Variants in MINDY4 observed in about 807,000 individuals in gnomAD.
MINDY4 encodes probable ubiquitin carboxyl-terminal hydrolase MINDY-4.
MINDY4 carries 68 observed loss-of-function variants against 87.0 expected under a neutral mutation model. The ratio of observed to expected loss-of-function variants is 0.78; its 90% CI spans 0.64 to 0.96. MINDY4 has a LOEUF of 0.96. Ranked by LOEUF, MINDY4 falls within the 40% of genes least tolerant of loss-of-function variation. The pLI, the probability that MINDY4 is intolerant of heterozygous loss-of-function variation, is 0.00. For missense variants in MINDY4, 919 were observed against 928.2 expected (o/e 0.99, Z 0.13); for synonymous variants, 379 against 363.2 (o/e 1.04, Z -0.50).
At position 30,832,666 on chromosome 7, in the gene MINDY4, C is replaced by T. The variant is rs544335382; in HGVS notation, c.1132+3929C>T. The stretch of plus-strand genomic sequence containing the variant: ...CTGGGATTACAGGCCCGTGCCACCA[C>T]ACCTGGCTAATTTTTGTATTTTTAG... On this transcript the variant is annotated intron_variant, in intron 6 of 17. Transcript: ENST00000265299. Among the ~76,000 whole-genome samples, 12 of 152,262 alleles carry T rather than the reference C, an allele frequency of 7.9e-5. No homozygotes were observed. The East Asian group carries it at 1.5e-3, about 20-fold the overall frequency.
intron 13 of MINDY4, among the ~76,000 whole-genome samples, chr7:30,867,132 G>A (rs138259591): frequency 1.1e-3 from 161 of 152,294 alleles, no homozygotes; most frequent in African/African-American, 3.1e-3. Context: ...TTTACCAAAG[G>A]TCACGCAGTG....
chr7:30,834,731 G>A (rs1041767803), intron 6 of MINDY4, among the ~76,000 whole-genome samples: 4 of 152,128 alleles, frequency 2.6e-5, no homozygotes, highest in Admixed American at 1.3e-4. Flanking sequence ...CAGCACTCAA[G>A]TCGCCTCTTG....
intron 17 of MINDY4, among the ~76,000 whole-genome samples, chr7:30,891,599 A>G (rs1429417092): frequency 2.0e-5 from 3 of 152,190 alleles, no homozygotes; most frequent in Non-Finnish European, 2.9e-5. Context: ...TAAAGTGCCA[A>G]CCATTGGGTC....
intron 3 of MINDY4, among the ~76,000 whole-genome samples, chr7:30,782,594 T>G (rs1294636755): frequency 1.3e-5 from 2 of 151,976 alleles, no homozygotes; most frequent in Admixed American, 1.3e-4. Context: ...TCCCAGCTAC[T>G]TAGGAGGCTG....
Position 30,840,942 on chromosome 7 carries a change from A to G in MINDY4, c.1445+94A>G, listed in dbSNP as rs142881651. On this transcript the variant is annotated intron_variant, in intron 9 of 17. Coordinates refer to ENST00000265299, the MANE Select transcript of MINDY4 (RefSeq NM_032222.3). ...AGCAAGGAAGCATGTGTGTTCCCTG[A>G]TATTTCCTGTCTTCTGCAGGTCAAG... 141 of 1,107,116 alleles carry G rather than the reference A, an allele frequency of 1.3e-4. No homozygotes were observed. In the African/African-American group the frequency reaches 1.9e-3, roughly 15 times the overall value. The allele number at this position is 1,107,116 out of a possible 1,614,324, so 68.6% of individuals were successfully genotyped here. A position where few individuals can be genotyped will look rare whatever the true frequency, so the allele number is the denominator to read the frequency against.
rs774324558 is a variant in MINDY4 at position 30,882,347 on chromosome 7, TCCGGCTGAC to T, written c.2140_2148del (p.Arg714_Thr716del). On this transcript the variant is annotated inframe_deletion, in exon 16 of 18. Transcript: ENST00000265299. ...GGCCTGGCCAACCAGCAGGAGCAGATCCGGCTGACCATTGGTGCGGGCCCTCACCCCCCC... is the reference window on the plus strand; with the variant it reads ...GGCCTGGCCAACCAGCAGGAGCAGATCATTGGTGCGGGCCCTCACCCCCCC... 3.8e-6 allele frequency: 6 copies of T among 1,598,720 alleles called. No homozygotes were observed. The South Asian group carries it at 6.7e-5, about 18-fold the overall frequency.
chr7:30,801,129 G>A (rs1439178443), intron 5 of MINDY4, among the ~76,000 whole-genome samples: 1 of 152,180 alleles, frequency 6.6e-6, no homozygotes, highest in Non-Finnish European at 1.5e-5. Flanking sequence ...GAGGGGGAAT[G>A]AATTGTGCCA....
At position 30,778,559 on chromosome 7, in the gene MINDY4, C is replaced by G; in HGVS notation, c.183+8C>G. Reference sequence around the variant, plus strand: ...CTCTATAAGGAGAACAAGGTATGTGCTTTCTAAGGTGTGGTGTGGAGTCTT... The same window carrying G: ...CTCTATAAGGAGAACAAGGTATGTGGTTTCTAAGGTGTGGTGTGGAGTCTT... On this transcript the variant is annotated splice_region_variant and intron_variant, in intron 2 of 17. Coordinates refer to ENST00000265299, the MANE Select transcript of MINDY4 (RefSeq NM_032222.3). 1.2e-6 allele frequency: 2 copies of G among 1,614,100 alleles called. No homozygotes were observed. The highest frequency in any genetic ancestry group is 1.7e-6 in the Non-Finnish European group (2 of 1,179,958).
In MINDY4 at chr7:30,773,313, T is replaced by C. The variant is rs1202685415; in HGVS notation, c.63+1757T>C. On this transcript the variant is annotated intron_variant, in intron 1 of 17. Coordinates refer to ENST00000265299, the MANE Select transcript of MINDY4 (RefSeq NM_032222.3). Reference sequence around the variant, plus strand: ...AACAGTCCTGAAAGATAGGTATAAGTATTCCCTTTCACATAAGATTATTGT... The same window carrying C: ...AACAGTCCTGAAAGATAGGTATAAGCATTCCCTTTCACATAAGATTATTGT... 2.0e-5 allele frequency among the ~76,000 whole-genome samples: 3 copies of C among 152,170 alleles called. No individual in the cohort carries two copies. The East Asian group carries it at 5.8e-4, about 29-fold the overall frequency.
chr7:30,808,929 C>T (rs1446586478), intron 5 of MINDY4, among the ~76,000 whole-genome samples: 2 of 129,286 alleles, frequency 1.5e-5, no homozygotes, highest in Non-Finnish European at 3.2e-5. Context: ...AAGAGGGAGT[C>T]AAGGAGAGAG....
rs1308470556 is a variant in MINDY4 at position 30,886,577 on chromosome 7, A to G, written c.2225+3584A>G. On this transcript the variant is annotated intron_variant, in intron 17 of 17. Coordinates refer to ENST00000265299, the MANE Select transcript of MINDY4 (RefSeq NM_032222.3). ...TGTCCCAGCCACACTTTGAGTCACAAGCTCCAAGGACTGTGGCTTACGCTT... is the reference window on the plus strand; with the variant it reads ...TGTCCCAGCCACACTTTGAGTCACAGGCTCCAAGGACTGTGGCTTACGCTT... Among the ~76,000 whole-genome samples the G allele has an allele frequency of 2.0e-5, 3 of 152,338 alleles. No individual in the cohort carries two copies. In the East Asian group the frequency reaches 5.8e-4, roughly 29 times the overall value.
At chr7:30,840,613 G>C (rs879556217) in intron 8 of MINDY4, 147 bp from the exon 9 acceptor site, 5 of 623,520 alleles carry the variant, frequency 8.0e-6, no homozygotes, top group African/African-American at 3.7e-5. Flanking sequence ...GTGTGTTGTA[G>C]AAGCAGTTGC....
At chr7:30,830,685 CAT>C (rs1485670819) in intron 6 of MINDY4, among the ~76,000 whole-genome samples, 1 of 152,284 alleles carries the variant, frequency 6.6e-6, no homozygotes, top group African/African-American at 2.4e-5. Flanking sequence ...CCTCCTATGA[CAT>C]GTGGGGATGA....
intron 6 of MINDY4, among the ~76,000 whole-genome samples, chr7:30,833,559 CT>C (rs1196740719): frequency 1.7e-4 from 26 of 152,174 alleles, no homozygotes; most frequent in Non-Finnish European, 2.9e-4. Context: ...CATTCTGCCC[CT>C]AGCCCCTCCC....
intron 9 of MINDY4, among the ~76,000 whole-genome samples, chr7:30,846,731 T>C (rs891346343): frequency 2.6e-5 from 4 of 152,068 alleles, no homozygotes; most frequent in African/African-American, 9.7e-5. Context: ...CAGGGACTGG[T>C]TTTGTGGAAG....
At chr7:30,853,890 G>C (rs910438497) in intron 12 of MINDY4, among the ~76,000 whole-genome samples, 5 of 152,218 alleles carry the variant, frequency 3.3e-5, no homozygotes, top group African/African-American at 1.2e-4. Flanking sequence ...GCGGCTTCTT[G>C]GGTGGGTTGG....
At chr7:30,839,428 A>C (rs1584298452) in intron 8 of MINDY4, 112 bp downstream of exon 8, 12 of 624,846 alleles carry the variant, frequency 1.9e-5, no homozygotes. Flanking sequence ...GCTATTCTGG[A>C]CCAGCCAGCC....
chr7:30,885,730 T>C (rs1380601121), intron 17 of MINDY4, among the ~76,000 whole-genome samples: 1 of 128,986 alleles, frequency 7.8e-6, no homozygotes, highest in Non-Finnish European at 1.6e-5. Context: ...CCTGCTGCCT[T>C]GTGAGAGTTG....
chr7:30,802,916 C>T (rs1787701443), intron 5 of MINDY4, among the ~76,000 whole-genome samples: 1 of 151,960 alleles, frequency 6.6e-6, no homozygotes, highest in Admixed American at 6.6e-5. Context: ...TTCCACCCAT[C>T]CAATCATCTC....
Sources: gnomAD v4.1 joint callset for allele counts (sites outside exome capture counted in the v4.1 genomes callset) on GRCh38, gnomAD v4.1.1 for gene constraint, MANE v1.5 for transcripts, NCBI Gene and HGNC (gene_info 2026-07-23, HGNC 2026-07-21) for gene names.